Variants in NRXN1 observed in about 807,000 individuals in gnomAD.
NRXN1 encodes neurexin-1.
Under a neutral mutation model 150.9 loss-of-function variants are expected in NRXN1, and 39 were observed. That is an observed-to-expected ratio of 0.26 (90% CI 0.20 to 0.34). NRXN1 has a LOEUF of 0.34. Ranked by LOEUF, NRXN1 falls within the 10% of genes least tolerant of loss-of-function variation. The pLI, the probability that NRXN1 is intolerant of heterozygous loss-of-function variation, is 1.00. For synonymous variants in NRXN1, 924 were observed against 757.0 expected (o/e 1.22, Z -3.62); for missense variants, 1,815 against 1,949.9 (o/e 0.93, Z 1.30).
At chr2:50,817,522 T>C (rs1669107506) in intron 5 of NRXN1, among the ~76,000 whole-genome samples, 1 of 152,054 alleles carries the variant, frequency 6.6e-6, no homozygotes, top group Admixed American at 6.6e-5. Context: ...ATTGTGGTGA[T>C]AGGGATACCA....
chr2:50,980,654 T>A (rs1696644221), intron 2 of NRXN1, among the ~76,000 whole-genome samples: 1 of 152,086 alleles, frequency 6.6e-6, no homozygotes, highest in Non-Finnish European at 1.5e-5. Flanking sequence ...ATGTACACAA[T>A]AATGCATTTT....
In NRXN1 at chr2:50,887,822, G is replaced by T. The variant is rs550475567; in HGVS notation, c.832+34047C>A. ...AGCAACAGATTCAAGGTGCTCTTTA[G>T]TAATCATGCTTTTTACTTTAACCTC... On this transcript the variant is annotated intron_variant, in intron 5 of 22. Coordinates refer to ENST00000401669, the MANE Select transcript of NRXN1 (RefSeq NM_001330078.2). Among the ~76,000 whole-genome samples the T allele has an allele frequency of 7.9e-5, 12 of 151,474 alleles. No homozygotes were observed. In the South Asian group the frequency reaches 2.3e-3, roughly 29 times the overall value.
Position 50,879,609 on chromosome 2 carries a change from G to C in NRXN1, c.832+42260C>G, listed in dbSNP as rs551934305. On this transcript the variant is annotated intron_variant, in intron 5 of 22. Transcript: ENST00000401669. ...AGATCTAAAGGAAAAGAATAGGGGAGGATAGGAGTTGGGGTGGTGGGGGCA... is the reference window on the plus strand; with the variant it reads ...AGATCTAAAGGAAAAGAATAGGGGACGATAGGAGTTGGGGTGGTGGGGGCA... 2.0e-5 allele frequency among the ~76,000 whole-genome samples: 3 copies of C among 152,008 alleles called. No homozygotes were observed. The East Asian group carries it at 5.9e-4, about 30-fold the overall frequency.
In NRXN1 at chr2:50,928,236, A is replaced by T. The variant is rs139540148; in HGVS notation, c.773-2281T>A. On this transcript the variant is annotated intron_variant, in intron 2 of 22. Coordinates refer to ENST00000401669, the MANE Select transcript of NRXN1 (RefSeq NM_001330078.2). ...TTTAGAAAAAAAAAATCAAAGTACT[A>T]GAATAAATGGGTGATATATTAACCA... Among the ~76,000 whole-genome samples, 457 of 152,130 alleles carry T rather than the reference A, an allele frequency of 3.0e-3. 1 individual carries two copies. The highest frequency in any genetic ancestry group is 0.01 in the African/African-American group (430 of 41,552).
At chr2:50,559,491 T>G (rs1668737703) in intron 8 of NRXN1, among the ~76,000 whole-genome samples, 1 of 152,230 alleles carries the variant, frequency 6.6e-6, no homozygotes, top group Non-Finnish European at 1.5e-5. Context: ...ATATGCCTAG[T>G]TCCACAGAAC....
chr2:50,356,707 A>C (rs1055350091), intron 17 of NRXN1, among the ~76,000 whole-genome samples: 2 of 152,184 alleles, frequency 1.3e-5, no homozygotes, highest in African/African-American at 4.8e-5. Context: ...AATAAACCAC[A>C]CAGCAAGTGG....
rs182619251 is a variant in NRXN1 at position 50,101,385 on chromosome 2, C to T, written c.3547-9891G>A. Among the ~76,000 whole-genome samples the T allele has an allele frequency of 1.3e-3, 191 of 152,046 alleles. 1 individual carries two copies. The Middle Eastern group carries it at 0.027, about 22-fold the overall frequency. ...ACATTTTTTATGTAAAAAGGTTTTC[C>T]TATAAAAGAGCTTTGGGATTATTTG... is the stretch of plus-strand genomic sequence containing the variant. On this transcript the variant is annotated intron_variant, in intron 18 of 22. Coordinates refer to ENST00000401669, the MANE Select transcript of NRXN1 (RefSeq NM_001330078.2).
intron 5 of NRXN1, among the ~76,000 whole-genome samples, chr2:50,888,644 G>GA (rs1372738435): frequency 2.6e-5 from 4 of 151,496 alleles, no homozygotes; most frequent in Admixed American, 6.6e-5. Context: ...ATTAGCTTCA[G>GA]AAAAAAGTAT....
chr2:49,979,952 C>T (rs551391066), intron 21 of NRXN1, among the ~76,000 whole-genome samples: 13 of 138,336 alleles, frequency 9.4e-5, no homozygotes, highest in Non-Finnish European at 1.4e-4. Context: ...GTTTTTCTTA[C>T]TCTGGTTGTT....
intron 17 of NRXN1, among the ~76,000 whole-genome samples, chr2:50,345,103 C>T (rs2077849672): frequency 6.6e-6 from 1 of 152,198 alleles, no homozygotes; most frequent in African/African-American, 2.4e-5. Flanking sequence ...ATCTCTGTTA[C>T]TTATAAAAAT....
intron 5 of NRXN1, among the ~76,000 whole-genome samples, chr2:50,783,185 A>G (rs536039157): frequency 5.3e-5 from 8 of 152,258 alleles, no homozygotes; most frequent in African/African-American, 1.9e-4. Context: ...TTTTCACTGT[A>G]GTAATATAGC....
Position 50,236,775 on chromosome 2 carries a change from C to T in NRXN1, c.3546+14G>A. ...TAAAAAGTAAAAGCTGAATCTTATG[C>T]AAAAAGTACTTACTATATGCAGTTC... On this transcript the variant is annotated intron_variant, in intron 18 of 22. Coordinates refer to ENST00000401669, the MANE Select transcript of NRXN1 (RefSeq NM_001330078.2). The T allele has an allele frequency of 6.2e-7, 1 of 1,611,584 alleles. No homozygotes were observed. Among genetic ancestry groups the T allele is most frequent in the Non-Finnish European group, 8.5e-7 (1 of 1,178,424 alleles).
intron 17 of NRXN1, among the ~76,000 whole-genome samples, chr2:50,448,024 C>T (rs775900410): frequency 1.3e-5 from 2 of 151,700 alleles, no homozygotes; most frequent in Admixed American, 1.3e-4. Flanking sequence ...AGGAAATGTA[C>T]TGCACTTTAG....
intron 17 of NRXN1, among the ~76,000 whole-genome samples, chr2:50,344,773 G>T (rs943155131): frequency 2.0e-5 from 3 of 152,180 alleles, no homozygotes; most frequent in Non-Finnish European, 4.4e-5. Context: ...CACGTCCCCA[G>T]CAGCCTTATC....
At chr2:50,592,256 A>C (rs912625629) in intron 8 of NRXN1, among the ~76,000 whole-genome samples, 3 of 152,260 alleles carry the variant, frequency 2.0e-5, no homozygotes, top group African/African-American at 7.2e-5. Context: ...TAAAGGATTA[A>C]AAGTATTGAA....
At chr2:50,635,786 T>C (rs1394907885) in intron 5 of NRXN1, among the ~76,000 whole-genome samples, 1 of 152,090 alleles carries the variant, frequency 6.6e-6, no homozygotes, top group East Asian at 1.9e-4. Flanking sequence ...AGTGGGGAGT[T>C]AGAAGTAGTT....
At chr2:50,563,409 C>T (rs1669401693) in intron 8 of NRXN1, among the ~76,000 whole-genome samples, 1 of 152,158 alleles carries the variant, frequency 6.6e-6, no homozygotes, top group African/African-American at 2.4e-5. Context: ...AAAACAACAA[C>T]AGTGAATGTA....
intron 5 of NRXN1, among the ~76,000 whole-genome samples, chr2:50,852,907 A>G (rs1674719786): frequency 6.6e-6 from 1 of 152,180 alleles, no homozygotes; most frequent in Admixed American, 6.5e-5. Context: ...CTTGCCATCT[A>G]ACAAGGATAT....
intron 2 of NRXN1, among the ~76,000 whole-genome samples, chr2:50,986,318 A>G (rs1265002692): frequency 1.3e-5 from 2 of 151,728 alleles, no homozygotes; most frequent in Non-Finnish European, 1.5e-5. Flanking sequence ...ATTTTTATAA[A>G]TAAAAAATAT....
Sources: allele counts gnomAD v4.1 joint callset (sites outside exome capture counted in the v4.1 genomes callset), GRCh38; gene constraint gnomAD v4.1.1; transcripts MANE v1.5; gene names NCBI Gene and HGNC (gene_info 2026-07-23, HGNC 2026-07-21).